PRKN: variants seen among roughly 807,000 people sequenced by gnomAD.
PRKN encodes the protein parkin RBR E3 ubiquitin protein ligase, also known as E3 ubiquitin-protein ligase parkin.
Under a neutral mutation model 59.5 loss-of-function variants are expected in PRKN, and 56 were observed. The ratio of observed to expected loss-of-function variants is 0.94; its 90% confidence interval spans 0.76 to 1.18. The LOEUF is 1.18. Ranked by LOEUF, PRKN falls within the 50% of genes most tolerant of loss-of-function variation. PRKN has a pLI of 0.00. For missense variants in PRKN, 657 were observed against 596.4 expected, an observed-to-expected ratio of 1.10 and a Z score of -1.06; for synonymous variants, 250 against 222.1, an observed-to-expected ratio of 1.13 and a Z score of -1.12.
At chr6:161,852,122 A>C (rs1385735240) in intron 6 of PRKN, among the ~76,000 whole-genome samples, 1 of 151,514 alleles carries the variant, frequency 6.6e-6, no homozygotes, top group Admixed American at 6.6e-5. Context: ...ACTGTGAGGA[A>C]GATGATAGCC....
At chr6:162,217,098 C>T (rs532917545) in intron 3 of PRKN, among the ~76,000 whole-genome samples, 4 of 152,260 alleles carry the variant, frequency 2.6e-5, no homozygotes, top group Admixed American at 2.6e-4. Flanking sequence ...AGCTATTCTA[C>T]AATCGAAGAA....
intron 1 of PRKN, among the ~76,000 whole-genome samples, chr6:162,483,232 A>G (rs1792385396): frequency 6.6e-6 from 1 of 152,120 alleles, no homozygotes; most frequent in African/African-American, 2.4e-5. Context: ...ACAGACATCA[A>G]GATCTGATGA....
chr6:161,537,729 G>A (rs1038243349), intron 9 of PRKN, among the ~76,000 whole-genome samples: 3 of 152,196 alleles, frequency 2.0e-5, no homozygotes, highest in African/African-American at 7.2e-5. Flanking sequence ...GGGATTACAG[G>A]CGTGAGCCAC....
At chr6:161,504,365 C>T (rs1161202817) in intron 9 of PRKN, among the ~76,000 whole-genome samples, 1 of 152,132 alleles carries the variant, frequency 6.6e-6, no homozygotes, top group East Asian at 1.9e-4. Context: ...CCCTGAGCGT[C>T]CGAGCAGGGT....
chr6:161,840,800 G>T (rs1373248707), intron 6 of PRKN, among the ~76,000 whole-genome samples: 1 of 151,828 alleles, frequency 6.6e-6, no homozygotes, highest in Non-Finnish European at 1.5e-5. Flanking sequence ...CTTTTTTTTG[G>T]CTACATGGTA....
At chr6:162,211,858 G>C (rs911303534) in intron 3 of PRKN, among the ~76,000 whole-genome samples, 2 of 152,100 alleles carry the variant, frequency 1.3e-5, no homozygotes, top group Non-Finnish European at 2.9e-5. Flanking sequence ...GGTGGTGATT[G>C]AGATTCATAA....
chr6:161,709,966 TCAA>T (rs1185854954), intron 7 of PRKN, among the ~76,000 whole-genome samples: 1 of 152,254 alleles, frequency 6.6e-6, no homozygotes. Flanking sequence ...TCACTCTTCC[TCAA>T]CAGTCAGTGC....
chr6:161,750,541 G>A (rs575492771), intron 7 of PRKN, among the ~76,000 whole-genome samples: 1 of 152,178 alleles, frequency 6.6e-6, no homozygotes, highest in South Asian at 2.1e-4. Context: ...GCCGAGGCGG[G>A]TGGATCACTT....
At position 161,732,880 on chromosome 6, in the gene PRKN, A is replaced by AT. The variant is rs531867531; in HGVS notation, c.871+52891dup. On this transcript the variant is annotated intron_variant, in intron 7 of 11. Coordinates refer to ENST00000366898, the MANE Select transcript of PRKN (RefSeq NM_004562.3). ...ACCCTCACTTGTTAGCAGTGAGCAG[A>AT]TTGAGTTTGCCTCAGGAGAATTTTC... 4.6e-5 allele frequency among the ~76,000 whole-genome samples: 7 copies of AT among 152,306 alleles called. No homozygotes were observed. The South Asian group carries it at 1.2e-3, about 27-fold the overall frequency.
chr6:162,114,817 A>C (rs1276713595), intron 4 of PRKN, among the ~76,000 whole-genome samples: 1 of 152,004 alleles, frequency 6.6e-6, no homozygotes, highest in Non-Finnish European at 1.5e-5. Context: ...ACCAGTTAGA[A>C]CGGCAATCAT....
chr6:161,514,559 A>G (rs520732), intron 9 of PRKN, among the ~76,000 whole-genome samples: 121,600 of 151,966 alleles, frequency 0.8, 48,949 homozygotes, highest in Middle Eastern at 0.87. Context: ...GACAAAAAGC[A>G]AGAGAGGGTT....
intron 4 of PRKN, among the ~76,000 whole-genome samples, chr6:162,097,856 A>G (rs58306087): frequency 0.11 from 17,148 of 152,242 alleles, 1,220 homozygotes; most frequent in African/African-American, 0.2. Context: ...TAGGAAACCA[A>G]CGAAAAGCTT....
At chr6:162,112,365 C>G (rs1015853859) in intron 4 of PRKN, among the ~76,000 whole-genome samples, 1 of 152,034 alleles carries the variant, frequency 6.6e-6, no homozygotes, top group Non-Finnish European at 1.5e-5. Context: ...ATTACTAGGA[C>G]TTTTTTTACA....
chr6:162,391,788 T>G (rs1237378714), intron 2 of PRKN, among the ~76,000 whole-genome samples: 1 of 152,232 alleles, frequency 6.6e-6, no homozygotes, highest in East Asian at 1.9e-4. Flanking sequence ...TGGAAATATG[T>G]CATATAGCAA....
chr6:162,035,728 T>C (rs1175215007), intron 5 of PRKN, among the ~76,000 whole-genome samples: 1 of 152,122 alleles, frequency 6.6e-6, no homozygotes, highest in Non-Finnish European at 1.5e-5. Context: ...AGGAATGGAA[T>C]AGAACAGACT....
chr6:162,526,582 G>A (rs1012717508), intron 1 of PRKN, among the ~76,000 whole-genome samples: 1 of 151,574 alleles, frequency 6.6e-6, no homozygotes, highest in African/African-American at 2.4e-5. Flanking sequence ...CCCGGGAGGC[G>A]GAGGTTGCAG....
intron 3 of PRKN, among the ~76,000 whole-genome samples, chr6:162,247,408 C>T (rs569200545): frequency 6.6e-6 from 1 of 152,108 alleles, no homozygotes; most frequent in South Asian, 2.1e-4. Context: ...TGAGAGAACA[C>T]AGCAAGTTGT....
At chr6:162,430,320 C>A (rs1011399782) in intron 2 of PRKN, among the ~76,000 whole-genome samples, 1 of 152,116 alleles carries the variant, frequency 6.6e-6, no homozygotes, top group African/African-American at 2.4e-5. Flanking sequence ...CAATTTTTCT[C>A]ATTTTAGGAG....
At chr6:162,034,335 G>C (rs920795813) in intron 5 of PRKN, among the ~76,000 whole-genome samples, 3 of 152,010 alleles carry the variant, frequency 2.0e-5, no homozygotes, top group African/African-American at 7.2e-5. Flanking sequence ...TAAAAGTGCA[G>C]AAACTGTTTT....
Sources: allele counts gnomAD v4.1 joint callset (sites outside exome capture counted in the v4.1 genomes callset), GRCh38; gene constraint gnomAD v4.1.1; transcripts MANE v1.5; gene names NCBI Gene and HGNC (gene_info 2026-07-23, HGNC 2026-07-21).